Variants in OSBP2 observed in about 807,000 individuals in gnomAD.
OSBP2 encodes oxysterol-binding protein 2.
Under a neutral mutation model 96.0 loss-of-function variants are expected in OSBP2, and 66 were observed. The observed-to-expected ratio is 0.69, with a 90% CI of 0.56 to 0.84. OSBP2 has a LOEUF of 0.84. Ranked by LOEUF, OSBP2 falls within the 40% of genes least tolerant of loss-of-function variation. The pLI, the probability that OSBP2 is intolerant of heterozygous loss-of-function variation, is 0.00. For missense variants in OSBP2, 1,038 were observed against 1,222.7 expected (o/e 0.85, Z 2.25); for synonymous variants, 525 against 520.9 (o/e 1.01, Z -0.11).
At chr22:30,788,326 G>A (rs2090624858) in intron 2 of OSBP2, among the ~76,000 whole-genome samples, 1 of 152,076 alleles carries the variant, frequency 6.6e-6, no homozygotes, top group Non-Finnish European at 1.5e-5. Flanking sequence ...TGCAGTTGCT[G>A]CCAAAGCAAC....
intron 2 of OSBP2, among the ~76,000 whole-genome samples, chr22:30,854,385 T>A (rs1257967728): frequency 1.3e-5 from 2 of 149,188 alleles, no homozygotes; most frequent in African/African-American, 2.5e-5. Context: ...CTTGGCTCAC[T>A]GCAACCTCCA....
intron 2 of OSBP2, among the ~76,000 whole-genome samples, chr22:30,860,748 T>C (rs1298689364): frequency 6.6e-6 from 1 of 152,152 alleles, no homozygotes; most frequent in Non-Finnish European, 1.5e-5. Context: ...GTGGGAACCC[T>C]GGTAGGGTGG....
intron 2 of OSBP2, among the ~76,000 whole-genome samples, chr22:30,843,444 T>TCCCCCCC (rs35971934): frequency 8.3e-6 from 1 of 120,554 alleles, no homozygotes; most frequent in African/African-American, 4.0e-5. Flanking sequence ...CAGGAATCTT[T>TCCCCCCC]CCCCCCTCCC....
intron 2 of OSBP2, among the ~76,000 whole-genome samples, chr22:30,867,419 G>A (rs1262564747): frequency 6.6e-6 from 1 of 152,088 alleles, no homozygotes; most frequent in African/African-American, 2.4e-5. Context: ...CGCCAACCCC[G>A]GGAGGAACCC....
At chr22:30,882,722 T>A (rs117854885) in intron 3 of OSBP2, among the ~76,000 whole-genome samples, 1 of 152,194 alleles carries the variant, frequency 6.6e-6, no homozygotes, top group Non-Finnish European at 1.5e-5. Context: ...CTGGAGAGGA[T>A]TGGAAACCAT....
chr22:30,710,355 G>C (rs565128380), intron 1 of OSBP2, among the ~76,000 whole-genome samples: 162 of 152,232 alleles, frequency 1.1e-3, no homozygotes, highest in Non-Finnish European at 2.0e-3. Flanking sequence ...CTCTTCTAGT[G>C]GTGGCCAATT....
intron 6 of OSBP2, 25 bp downstream of exon 6, chr22:30,889,259 G>A: frequency 7.5e-6 from 12 of 1,606,770 alleles, no homozygotes; most frequent in Non-Finnish European, 1.0e-5. Context: ...GCACTGTAAG[G>A]GCCAGAAGGC....
At chr22:30,708,792 G>A (rs2089298369) in intron 1 of OSBP2, among the ~76,000 whole-genome samples, 1 of 150,896 alleles carries the variant, frequency 6.6e-6, no homozygotes, top group Non-Finnish European at 1.5e-5. Context: ...CCCGGCCAAG[G>A]ATAAGGATTT....
chr22:30,820,446 GA>G (rs2038250080), intron 2 of OSBP2, among the ~76,000 whole-genome samples: 1 of 151,434 alleles, frequency 6.6e-6, no homozygotes, highest in Admixed American at 6.6e-5. Context: ...CACTATTCCA[GA>G]CCCCCCGCCA....
intron 2 of OSBP2, among the ~76,000 whole-genome samples, chr22:30,824,127 G>C (rs950179956): frequency 6.6e-6 from 1 of 152,166 alleles, no homozygotes; most frequent in Admixed American, 6.5e-5. Context: ...CCTCAGGTGT[G>C]ACCAGAGCAG....
intron 3 of OSBP2, among the ~76,000 whole-genome samples, chr22:30,873,787 A>G (rs1434969610): frequency 6.6e-6 from 1 of 152,242 alleles, no homozygotes; most frequent in East Asian, 1.9e-4. Context: ...GTGGAGCCTA[A>G]AATGAGGGAT....
At chr22:30,779,807 G>A (rs922321375) in intron 2 of OSBP2, among the ~76,000 whole-genome samples, 1 of 152,142 alleles carries the variant, frequency 6.6e-6, no homozygotes, top group African/African-American at 2.4e-5. Flanking sequence ...CTTGAGGTGT[G>A]GGGACACGGA....
chr22:30,707,297 A>G (rs2089269826), intron 1 of OSBP2, among the ~76,000 whole-genome samples: 1 of 152,088 alleles, frequency 6.6e-6, no homozygotes, highest in South Asian at 2.1e-4. Context: ...AGGTTTCACC[A>G]TATTGGCCAG....
chr22:30,872,945 C>T (rs1326746271), intron 3 of OSBP2, among the ~76,000 whole-genome samples: 2 of 152,198 alleles, frequency 1.3e-5, no homozygotes, highest in African/African-American at 4.8e-5. Flanking sequence ...ACAGGCATTC[C>T]CACCCTTGGC....
chr22:30,807,873 C>T lies in OSBP2; in HGVS notation c.854-62556C>T, dbSNP rs188614745. The stretch of plus-strand genomic sequence containing the variant: ...GTTTTACACTTCACTGTAGCCTCAA[C>T]GTCCTGGGCTCAAGTGATCCTCCTG... On this transcript the variant is annotated intron_variant, in intron 2 of 13. Transcript: ENST00000332585. Among the ~76,000 whole-genome samples the T allele has an allele frequency of 5.3e-5, 8 of 152,306 alleles. No homozygotes were observed. In the South Asian group the frequency reaches 6.2e-4, roughly 12 times the overall value.
intron 2 of OSBP2, among the ~76,000 whole-genome samples, chr22:30,769,523 C>T (rs1381839221): frequency 6.6e-6 from 1 of 152,074 alleles, no homozygotes; most frequent in Non-Finnish European, 1.5e-5. Context: ...GTGGCACGCA[C>T]CTGTAGTCCC....
chr22:30,902,349 T>C, intron 12 of OSBP2: 4 of 1,584,890 alleles, frequency 2.5e-6, no homozygotes, highest in Non-Finnish European at 3.5e-6. Context: ...TTTAAAGGAT[T>C]CTGCTATATA....
chr22:30,783,903 G>C (rs1437004961), intron 2 of OSBP2, among the ~76,000 whole-genome samples: 1 of 152,174 alleles, frequency 6.6e-6, no homozygotes, highest in Admixed American at 6.5e-5. Context: ...AGGAGAGCTT[G>C]GGTCTGGGAA....
chr22:30,736,528 G>A (rs1478928425), intron 1 of OSBP2, among the ~76,000 whole-genome samples: 1 of 152,172 alleles, frequency 6.6e-6, no homozygotes, highest in East Asian at 1.9e-4. Context: ...ACAAGACTTT[G>A]CTATCAGCTG....
Sources: gnomAD v4.1 joint callset for allele counts (sites outside exome capture counted in the v4.1 genomes callset) on GRCh38, gnomAD v4.1.1 for gene constraint, MANE v1.5 for transcripts, NCBI Gene and HGNC (gene_info 2026-07-23, HGNC 2026-07-21) for gene names.